UTRN: variants seen among roughly 807,000 people sequenced by gnomAD.
UTRN encodes dystrophin-related protein 1.
UTRN carries 283 observed loss-of-function variants against 463.9 expected under a neutral mutation model. The ratio of observed to expected loss-of-function variants is 0.61; its 90% CI spans 0.55 to 0.67. UTRN has a LOEUF of 0.67. Among genes scored for constraint, UTRN ranks in the 30% least tolerant of loss-of-function variants. The probability of loss-of-function intolerance (pLI) is 0.00; values close to 1 mark genes in which losing one functional copy is unlikely to be tolerated. For synonymous variants in UTRN, 1,442 were observed against 1,431.5 expected (o/e 1.01, Z -0.17); for missense variants, 3,922 against 4,084.3 (o/e 0.96, Z 1.08).
At chr6:144,699,448 A>AATAAT (rs146754715) in intron 52 of UTRN, among the ~76,000 whole-genome samples, 40 of 137,792 alleles carry the variant, frequency 2.9e-4, no homozygotes, top group East Asian at 4.3e-4. Flanking sequence ...TCAAAAAAAA[A>AATAAT]AATAATAATA....
chr6:144,446,356 G>C (rs1237242927), intron 14 of UTRN, among the ~76,000 whole-genome samples: 1 of 152,166 alleles, frequency 6.6e-6, no homozygotes, highest in African/African-American at 2.4e-5. Context: ...ACTGAGGACA[G>C]TATCCATTGG....
In UTRN at chr6:144,771,965, C is replaced by G. The variant is rs774167019; in HGVS notation, c.8554C>G (p.Leu2852Val). ...HPKMTELFQS[L>V]ADLNNVRFSA... is the part of the protein sequence containing the mutation. The stretch of plus-strand genomic sequence containing the variant: ...TAAAATGACCGAACTCTTTCAATCC[C>G]TTGGTAAGTGTTATTAATAGTAATA... The change falls in exon 59 of 75, where the codon CTT becomes GTT. Residue 2852 changes from leucine to valine, a missense_variant. Around this residue, in one of 3 missense-constraint regions of UTRN, gnomAD observed 1,309 missense variants for 1,452.6 expected, o/e 0.90. Transcript: ENST00000367545. 3.9e-6 allele frequency: 6 copies of G among 1,542,146 alleles called. No individual in the cohort carries two copies. The highest frequency in any genetic ancestry group is 4.4e-6 in the Non-Finnish European group (5 of 1,140,406).
intron 65 of UTRN, among the ~76,000 whole-genome samples, chr6:144,819,877 GCCTCCTCCTCCTCCT>G (rs535515378): frequency 3.1e-5 from 4 of 127,282 alleles, no homozygotes; most frequent in Admixed American, 1.5e-4. Flanking sequence ...CTCCTCCGCC[GCCTCCTCCTCCTCCT>G]CCTCCTCCTC....
chr6:144,487,959 A>G (rs981403994), intron 29 of UTRN, among the ~76,000 whole-genome samples: 8 of 152,242 alleles, frequency 5.3e-5, no homozygotes, highest in African/African-American at 1.9e-4. Flanking sequence ...ATTAAGGATC[A>G]TATGATAGCT....
chr6:144,474,897 G>T, intron 25 of UTRN, 138 bp downstream of exon 25: 1 of 950,514 alleles, frequency 1.1e-6, no homozygotes, highest in South Asian at 2.2e-5. Flanking sequence ...AGTGAGCTGG[G>T]GCCAAAAAAA....
intron 50 of UTRN, among the ~76,000 whole-genome samples, chr6:144,575,558 TGAGAAA>T (rs1299388866): frequency 3.3e-5 from 5 of 152,196 alleles, no homozygotes; most frequent in Non-Finnish European, 7.3e-5. Context: ...AAAGAAATCT[TGAGAAA>T]GAGAGAGATC....
intron 69 of UTRN, among the ~76,000 whole-genome samples, 164 bp downstream of exon 69, chr6:144,829,019 A>G (rs533837474): frequency 8.5e-4 from 129 of 152,318 alleles, no homozygotes; most frequent in Admixed American, 3.3e-3. Flanking sequence ...AAACCATGAT[A>G]GTATAAACTC....
At chr6:144,502,725 G>T (rs1217975233) in intron 34 of UTRN, among the ~76,000 whole-genome samples, 2 of 152,074 alleles carry the variant, frequency 1.3e-5, no homozygotes, top group Non-Finnish European at 2.9e-5. Context: ...ATATACGTGG[G>T]CATGTCTTTA....
chr6:144,422,346 G>A (rs1035699793), intron 4 of UTRN, among the ~76,000 whole-genome samples: 3 of 152,236 alleles, frequency 2.0e-5, no homozygotes, highest in African/African-American at 7.2e-5. Context: ...GCTGGGCGCG[G>A]TAGCTCACGC....
intron 53 of UTRN, among the ~76,000 whole-genome samples, chr6:144,721,140 G>T (rs1041979446): frequency 6.6e-6 from 1 of 152,014 alleles, no homozygotes; most frequent in Non-Finnish European, 1.5e-5. Context: ...GAGGTATTTG[G>T]GATTATATCT....
chr6:144,753,903 TA>T (rs1234503488), intron 56 of UTRN, among the ~76,000 whole-genome samples: 4 of 151,490 alleles, frequency 2.6e-5, no homozygotes, highest in East Asian at 1.9e-4. Context: ...AAATGTATAT[TA>T]AAAAAAATAC....
intron 3 of UTRN, among the ~76,000 whole-genome samples, chr6:144,420,543 C>T (rs1442804688): frequency 6.6e-6 from 1 of 152,202 alleles, no homozygotes; most frequent in Admixed American, 6.5e-5. Context: ...TGGCATCAGA[C>T]ACTAGAGCAG....
chr6:144,845,858 T>C (rs965110258), intron 73 of UTRN, among the ~76,000 whole-genome samples: 1 of 152,026 alleles, frequency 6.6e-6, no homozygotes, highest in African/African-American at 2.4e-5. Flanking sequence ...ATAGGAAGGG[T>C]ACTCTTCATG....
intron 34 of UTRN, among the ~76,000 whole-genome samples, chr6:144,503,966 T>C (rs1042716635): frequency 2.0e-5 from 3 of 152,220 alleles, no homozygotes; most frequent in African/African-American, 7.2e-5. Context: ...TTCACATCCC[T>C]TGTAAGTTGT....
chr6:144,453,723 A>G, intron 18 of UTRN, 59 bp from the exon 19 acceptor site: 1 of 1,467,236 alleles, frequency 6.8e-7, no homozygotes, highest in Non-Finnish European at 9.4e-7. Context: ...CATTTAAAAC[A>G]GCAACATTAT....
intron 51 of UTRN, among the ~76,000 whole-genome samples, chr6:144,590,057 C>T (rs1585426729): frequency 6.6e-6 from 1 of 152,038 alleles, no homozygotes; most frequent in East Asian, 1.9e-4. Flanking sequence ...GACAGGGCCT[C>T]ACTATGTTGC....
intron 2 of UTRN, among the ~76,000 whole-genome samples, chr6:144,358,174 C>A (rs1778737069): frequency 3.3e-5 from 5 of 152,198 alleles, no homozygotes; most frequent in Admixed American, 3.3e-4. Context: ...GTAAATGTTG[C>A]TCATAGTAAC....
intron 65 of UTRN, among the ~76,000 whole-genome samples, chr6:144,815,920 T>C (rs545145288): frequency 1.3e-5 from 2 of 152,202 alleles, no homozygotes; most frequent in African/African-American, 4.8e-5. Flanking sequence ...AATGATAGAA[T>C]GACACCATTT....
Position 144,483,005 on chromosome 6 carries a change from G to T in UTRN, c.3687+617G>T, listed in dbSNP as rs80284240. ...TTGTTTTTATAGTAGTATGACTTTT[G>T]TTATTGCTTGTTGGAAGATTTAAGA... On this transcript the variant is annotated intron_variant, in intron 27 of 74. Coordinates refer to ENST00000367545, the MANE Select transcript of UTRN (RefSeq NM_007124.3). Among the ~76,000 whole-genome samples, 944 of 151,878 alleles carry T rather than the reference G, an allele frequency of 6.2e-3. 19 individuals are homozygous for T. In the East Asian group the frequency reaches 0.062, roughly 10 times the overall value.
Sources: gnomAD v4.1 joint callset for allele counts (sites outside exome capture counted in the v4.1 genomes callset) on GRCh38, gnomAD v4.1.1 for gene constraint, gnomAD v4.1.1 regional missense constraint, MANE v1.5 for transcripts, NCBI Gene and HGNC (gene_info 2026-07-23, HGNC 2026-07-21) for gene names.